The following ANKS1B variants were observed in gnomAD, a reference collection of about 807,000 sequenced individuals.
ANKS1B encodes the protein ankyrin repeat and sterile alpha motif domain-containing protein 1B.
In ANKS1B, 36 loss-of-function variants were observed where a neutral mutation model predicts 148.3. The observed-to-expected ratio is 0.24, with a 90% confidence interval of 0.19 to 0.32. The LOEUF is 0.32. Among genes scored for constraint, ANKS1B ranks in the 10% least tolerant of loss-of-function variants. The pLI is 1.00. For synonymous variants in ANKS1B, 542 were observed against 560.8 expected (o/e 0.97, Z 0.47); for missense variants, 1,157 against 1,542.6 (o/e 0.75, Z 4.19).
chr12:99,053,951 A>T (rs1369889741), intron 16 of ANKS1B, among the ~76,000 whole-genome samples: 2 of 152,208 alleles, frequency 1.3e-5, no homozygotes, highest in Non-Finnish European at 2.9e-5. Context: ...CTATATACAG[A>T]TTTTTAAAAA....
intron 10 of ANKS1B, among the ~76,000 whole-genome samples, chr12:99,458,449 A>G (rs1179144819): frequency 6.6e-6 from 1 of 151,848 alleles, no homozygotes; most frequent in African/African-American, 2.4e-5. Flanking sequence ...TGAAAAAAAA[A>G]AAATACAAAA....
At chr12:99,972,205 G>A (rs2095567731) in intron 1 of ANKS1B, among the ~76,000 whole-genome samples, 1 of 152,150 alleles carries the variant, frequency 6.6e-6, no homozygotes, top group African/African-American at 2.4e-5. Context: ...TGACCTATAA[G>A]TGTTCAAGTG....
chr12:98,994,719 C>T (rs981244588), intron 17 of ANKS1B, among the ~76,000 whole-genome samples: 6 of 152,160 alleles, frequency 3.9e-5, no homozygotes, highest in African/African-American at 9.7e-5. Flanking sequence ...GGTTTGCAGA[C>T]GGCTGCCTTC....
chr12:98,894,836 C>A, intron 17 of ANKS1B: 1 of 982,020 alleles, frequency 1.0e-6, no homozygotes, highest in East Asian at 1.1e-4. Context: ...GGCCGCGCCG[C>A]GCTGCGCCGA....
At chr12:99,627,702 T>G (rs974759870) in intron 9 of ANKS1B, among the ~76,000 whole-genome samples, 1 of 152,122 alleles carries the variant, frequency 6.6e-6, no homozygotes, top group African/African-American at 2.4e-5. Flanking sequence ...CATAAACATT[T>G]GTCAGAAACA....
intron 10 of ANKS1B, among the ~76,000 whole-genome samples, chr12:99,476,349 C>T (rs1785254042): frequency 6.6e-6 from 1 of 152,014 alleles, no homozygotes; most frequent in Non-Finnish European, 1.5e-5. Flanking sequence ...GCAGAGATTG[C>T]CACTGCACTC....
chr12:99,054,663 C>T (rs1441912761), intron 16 of ANKS1B, among the ~76,000 whole-genome samples: 7 of 152,106 alleles, frequency 4.6e-5, no homozygotes, highest in East Asian at 3.9e-4. Context: ...CTCAGCCTCC[C>T]GAGTAGCTGG....
chr12:99,910,637 G>T (rs930817132), intron 1 of ANKS1B, among the ~76,000 whole-genome samples: 1 of 152,044 alleles, frequency 6.6e-6, no homozygotes, highest in Non-Finnish European at 1.5e-5. Flanking sequence ...TGTGGTAGTG[G>T]TTTCACAACT....
chr12:99,232,803 C>A (rs2087100887), intron 14 of ANKS1B, among the ~76,000 whole-genome samples: 1 of 152,122 alleles, frequency 6.6e-6, no homozygotes, highest in African/African-American at 2.4e-5. Flanking sequence ...GTTTCCCAAG[C>A]ATCTTTCTGT....
intron 1 of ANKS1B, among the ~76,000 whole-genome samples, chr12:99,941,570 A>T (rs531547785): frequency 6.6e-6 from 1 of 152,286 alleles, no homozygotes; most frequent in South Asian, 2.1e-4. Context: ...CATATCTACC[A>T]GACACTGCCA....
intron 9 of ANKS1B, among the ~76,000 whole-genome samples, chr12:99,628,047 C>T (rs1173137543): frequency 1.3e-5 from 2 of 152,092 alleles, no homozygotes; most frequent in East Asian, 3.9e-4. Context: ...TCACTGAGTA[C>T]ACTTACACAA....
At chr12:98,898,235 G>T (rs1406519733) in intron 17 of ANKS1B, among the ~76,000 whole-genome samples, 1 of 152,088 alleles carries the variant, frequency 6.6e-6, no homozygotes, top group East Asian at 1.9e-4. Context: ...TGCAAAATAA[G>T]TAAATATTAC....
chr12:98,800,479 T>C (rs1350600038), intron 21 of ANKS1B, among the ~76,000 whole-genome samples: 2 of 152,016 alleles, frequency 1.3e-5, no homozygotes, highest in Admixed American at 6.6e-5. Context: ...CCAGTTCCTA[T>C]TACATTTCTC....
intron 14 of ANKS1B, among the ~76,000 whole-genome samples, chr12:99,180,988 C>T (rs935757971): frequency 2.0e-5 from 3 of 152,110 alleles, no homozygotes; most frequent in African/African-American, 7.2e-5. Context: ...ACAAACAGGC[C>T]TAAGTTTCTC....
At position 99,011,004 on chromosome 12, in the gene ANKS1B, A is replaced by G. The variant is rs533500835; in HGVS notation, c.2778+42153T>C. Among the ~76,000 whole-genome samples, 6 of 151,484 alleles carry G rather than the reference A, an allele frequency of 4.0e-5. No homozygotes were observed. The South Asian group carries it at 8.4e-4, about 21-fold the overall frequency. On this transcript the variant is annotated intron_variant, in intron 17 of 26. Transcript: ENST00000683438. ...GTGATCCACCCACCTCGGCCTCTCA[A>G]AGAGCTGGGATTACAGGCTCCAGCA...
At chr12:99,446,694 T>C (rs908559511) in intron 10 of ANKS1B, among the ~76,000 whole-genome samples, 10 of 152,082 alleles carry the variant, frequency 6.6e-5, no homozygotes, top group African/African-American at 2.2e-4. Context: ...ATAGTTGAGG[T>C]AGGAGCACAC....
At chr12:98,946,872 C>A (rs903964273) in intron 17 of ANKS1B, among the ~76,000 whole-genome samples, 5 of 134,378 alleles carry the variant, frequency 3.7e-5, no homozygotes, top group African/African-American at 5.6e-5. Flanking sequence ...CCCAGGAGTT[C>A]GAGACGGCAG....
At chr12:99,571,588 A>G (rs916298066) in intron 9 of ANKS1B, among the ~76,000 whole-genome samples, 3 of 152,082 alleles carry the variant, frequency 2.0e-5, no homozygotes, top group South Asian at 2.1e-4. Context: ...GTATCCTTCT[A>G]TGTTTGAAGA....
chr12:99,933,448 GTA>G lies in ANKS1B; in HGVS notation c.134+50654_134+50655del, dbSNP rs575635911. 2.2e-4 allele frequency among the ~76,000 whole-genome samples: 34 copies of G among 152,024 alleles called. No individual in the cohort carries two copies. The South Asian group carries it at 7.1e-3, about 32-fold the overall frequency. ...CTCTTCAATTTCTTGCATCAGTGTT[GTA>G]TAGTTTTCACTGTAGAAATCTTTCA... On this transcript the variant is annotated intron_variant, in intron 1 of 26. Transcript: ENST00000683438.
Sources: gnomAD v4.1 joint callset for allele counts (sites outside exome capture counted in the v4.1 genomes callset) on GRCh38, gnomAD v4.1.1 for gene constraint, MANE v1.5 for transcripts, NCBI Gene and HGNC (gene_info 2026-07-23, HGNC 2026-07-21) for gene names.